The following FLT1 variants were observed in gnomAD, a reference collection of about 807,000 sequenced individuals.
The protein encoded by FLT1 is vascular endothelial growth factor receptor 1.
In FLT1, 49 loss-of-function variants were observed where a neutral mutation model predicts 156.3. The observed-to-expected ratio is 0.31, with a 90% confidence interval of 0.25 to 0.40. The LOEUF is 0.40. Ranked by LOEUF, FLT1 falls within the 10% of genes least tolerant of loss-of-function variation. FLT1 has a pLI of 1.00. For synonymous variants in FLT1, 594 were observed against 583.8 expected, an observed-to-expected ratio of 1.02 and a Z score of -0.25; for missense variants, 1,322 against 1,637.2, an observed-to-expected ratio of 0.81 and a Z score of 3.32.
chr13:28,458,221 G>A (rs915379675), intron 3 of FLT1, among the ~76,000 whole-genome samples: 11 of 151,840 alleles, frequency 7.2e-5, no homozygotes, highest in African/African-American at 2.4e-4. Flanking sequence ...CACCACACCC[G>A]GCCCATCTTT....
intron 17 of FLT1, among the ~76,000 whole-genome samples, chr13:28,335,280 A>G (rs1347055060): frequency 6.6e-6 from 1 of 152,120 alleles, no homozygotes; most frequent in Non-Finnish European, 1.5e-5. Flanking sequence ...GGTTGGTTAA[A>G]ACTATTATAA....
intron 3 of FLT1, 60 bp from the exon 4 acceptor site, chr13:28,438,405 A>G (rs1878154355): frequency 7.5e-7 from 1 of 1,341,700 alleles, no homozygotes; most frequent in Admixed American, 1.7e-5. Flanking sequence ...AAGCATCTAG[A>G]CACTGTAGCT....
chr13:28,331,259 C>G (rs1871920023), intron 18 of FLT1, among the ~76,000 whole-genome samples: 1 of 152,150 alleles, frequency 6.6e-6, no homozygotes, highest in Non-Finnish European at 1.5e-5. Flanking sequence ...AGATAAACTC[C>G]AAATCCTGTG....
At chr13:28,383,028 A>G (rs561948162) in intron 14 of FLT1, among the ~76,000 whole-genome samples, 1 of 152,352 alleles carries the variant, frequency 6.6e-6, no homozygotes, top group Non-Finnish European at 1.5e-5. Flanking sequence ...TTGTTGGAAT[A>G]TTGGAAATAA....
At chr13:28,380,170 C>T (rs1245089268) in intron 14 of FLT1, among the ~76,000 whole-genome samples, 3 of 152,182 alleles carry the variant, frequency 2.0e-5, no homozygotes, top group East Asian at 1.9e-4. Context: ...ATATAACAAA[C>T]TACTTTTCAG....
intron 3 of FLT1, among the ~76,000 whole-genome samples, chr13:28,451,686 C>T (rs986983405): frequency 1.3e-5 from 2 of 152,034 alleles, no homozygotes; most frequent in Non-Finnish European, 2.9e-5. Flanking sequence ...GGGGAGGAGT[C>T]GGGCTGTGTC....
At position 28,334,080 on chromosome 13, in the gene FLT1, T is replaced by C; in HGVS notation, c.2538A>G (p.Ala846=). ...GAFGKVVQAS[A]FGIKKSPTCR... is the part of the protein sequence containing the mutation. ...ACGTAGGTGATTTCTTAATGCCAAA[T>C]GCTGATGCTTGAACCACTTTTCCAA... Residue 846 remains alanine (A), a synonymous_variant, in exon 18 of 30, where the codon GCA becomes GCG. Transcript: ENST00000282397. 1 of 1,614,044 alleles carries C rather than the reference T, an allele frequency of 6.2e-7. No individual in the cohort carries two copies. The highest frequency in any genetic ancestry group is 2.2e-5 in the East Asian group (1 of 44,872).
chr13:28,368,700 C>T, intron 14 of FLT1: 1 of 705,382 alleles, frequency 1.4e-6, no homozygotes, highest in Non-Finnish European at 2.4e-6. Context: ...TTTAGATTGG[C>T]AGCTTTTTTT....
At chr13:28,402,179 G>C (rs1285408503) in intron 11 of FLT1, among the ~76,000 whole-genome samples, 1 of 152,172 alleles carries the variant, frequency 6.6e-6, no homozygotes, top group Non-Finnish European at 1.5e-5. Flanking sequence ...AAAAATCCAA[G>C]GTGCTCCAGC....
chr13:28,462,085 G>T (rs1399765780), intron 3 of FLT1, among the ~76,000 whole-genome samples: 1 of 152,090 alleles, frequency 6.6e-6, no homozygotes, highest in Non-Finnish European at 1.5e-5. Flanking sequence ...ATTTAAATAG[G>T]CCCTAGAAGC....
At chr13:28,387,715 TC>T (rs1169495944) in intron 13 of FLT1, 2 of 1,034,238 alleles carry the variant, frequency 1.9e-6, no homozygotes, top group African/African-American at 1.8e-5. Context: ...TTTTTTTTTC[TC>T]CCCCCTCCGT....
At chr13:28,425,902 G>A (rs1314873487) in intron 10 of FLT1, among the ~76,000 whole-genome samples, 1 of 152,096 alleles carries the variant, frequency 6.6e-6, no homozygotes, top group African/African-American at 2.4e-5. Context: ...TTTAAGATTT[G>A]TAAGTCTTCT....
chr13:28,473,706 G>GA (rs1880327061), intron 1 of FLT1, among the ~76,000 whole-genome samples: 1 of 66,360 alleles, frequency 1.5e-5, no homozygotes, highest in African/African-American at 8.0e-5. Context: ...AGAAAAGAAA[G>GA]AAAGAAAGAA....
chr13:28,372,048 G>GTGTGTATATATATA (rs1288888215), intron 14 of FLT1, among the ~76,000 whole-genome samples: 1 of 75,590 alleles, frequency 1.3e-5, no homozygotes, highest in African/African-American at 6.3e-5. Context: ...GTGTGTGTGT[G>GTGTGTATATATATA]TATATATATA....
chr13:28,325,642 G>A (rs1245748190), intron 20 of FLT1, among the ~76,000 whole-genome samples: 2 of 151,854 alleles, frequency 1.3e-5, no homozygotes, highest in African/African-American at 2.4e-5. Context: ...GTGAAACTCC[G>A]TCTCTACCAA....
chr13:28,433,923 G>A lies in FLT1; in HGVS notation c.709C>T (p.Pro237Ser), dbSNP rs143703839. 1 of 1,614,096 alleles carries A rather than the reference G, an allele frequency of 6.2e-7. No individual in the cohort carries two copies. The highest frequency in any genetic ancestry group is 8.5e-7 in the Non-Finnish European group (1 of 1,179,972). ...NTIIDVQIST[P>S]RPVKLLRGHT... ...CCTCTAAGTAATTTGACTGGGCGTG[G>A]TGTGCTTATTTGGACATCTATGATT... The change falls in exon 6 of 30, where the codon CCA becomes TCA. Residue 237 changes from proline to serine, a missense_variant. This residue lies in a region of FLT1 where 991 missense variants were observed against 1,254.8 expected (regional missense o/e 0.79). Transcript: ENST00000282397.
intron 1 of FLT1, among the ~76,000 whole-genome samples, chr13:28,480,783 G>A (rs1880790775): frequency 6.6e-6 from 1 of 151,942 alleles, no homozygotes; most frequent in Non-Finnish European, 1.5e-5. Flanking sequence ...TTTTGTCTGG[G>A]GTCTACCTGA....
At chr13:28,432,782 A>G (rs1442699655) in intron 6 of FLT1, among the ~76,000 whole-genome samples, 1 of 152,226 alleles carries the variant, frequency 6.6e-6, no homozygotes, top group African/African-American at 2.4e-5. Flanking sequence ...TACAGCAGCA[A>G]TGCTAGCAGG....
intron 10 of FLT1, among the ~76,000 whole-genome samples, chr13:28,422,742 C>A (rs1288672083): frequency 6.6e-6 from 1 of 152,118 alleles, no homozygotes; most frequent in African/African-American, 2.4e-5. Flanking sequence ...AGTCAGCTAC[C>A]CGAGGGTCTC....
Sources: allele counts gnomAD v4.1 joint callset (sites outside exome capture counted in the v4.1 genomes callset), GRCh38; gene constraint gnomAD v4.1.1; regional missense constraint gnomAD v4.1.1; transcripts MANE v1.5; gene names NCBI Gene and HGNC (gene_info 2026-07-23, HGNC 2026-07-21).